Variants in GRAMD1B observed in about 807,000 individuals in gnomAD.
GRAMD1B encodes the protein protein Aster-B.
Under a neutral mutation model 99.7 loss-of-function variants are expected in GRAMD1B, and 37 were observed. The ratio of observed to expected loss-of-function variants is 0.37; its 90% CI spans 0.29 to 0.49. GRAMD1B has a LOEUF of 0.49. GRAMD1B is among the 20% of genes least tolerant of loss of function. The pLI is 0.98. For synonymous variants in GRAMD1B, 427 were observed against 387.6 expected (o/e 1.10, Z -1.19); for missense variants, 888 against 1,009.2 (o/e 0.88, Z 1.63).
At chr11:123,620,627 T>C (rs1955011729) in intron 19 of GRAMD1B, among the ~76,000 whole-genome samples, 1 of 152,092 alleles carries the variant, frequency 6.6e-6, no homozygotes. Flanking sequence ...TTAGAAGCCC[T>C]ACCCTTTCAA....
intron 19 of GRAMD1B, 109 bp from the exon 20 acceptor site, chr11:123,622,397 T>C: frequency 1.5e-6 from 1 of 681,502 alleles, no homozygotes; most frequent in South Asian, 1.5e-5. Context: ...TTCAGCCCCA[T>C]GGCGTGGTTG....
chr11:123,430,494 G>C lies in GRAMD1B; in HGVS notation c.-299G>C. On this transcript the variant is annotated 5_prime_UTR_variant, in exon 1 of 20. Coordinates refer to ENST00000635736, the MANE Select transcript of GRAMD1B (RefSeq NM_001387025.1). The stretch of plus-strand genomic sequence containing the variant: ...GGAAGAAAAACAAGCGGGCGCGCGA[G>C]GGGAGCCCCAGGAGGGCTGCCGAGT... The C allele has an allele frequency of 2.6e-6, 1 of 391,886 alleles. No individual in the cohort carries two copies. The highest frequency in any genetic ancestry group is 4.5e-6 in the Non-Finnish European group (1 of 220,596). The allele number at this position is 391,886 out of a possible 1,614,324, so 24.3% of individuals were successfully genotyped here. A position where few individuals can be genotyped will look rare whatever the true frequency, so the allele number is the denominator to read the frequency against.
intron 2 of GRAMD1B, among the ~76,000 whole-genome samples, chr11:123,545,393 A>G (rs1488089602): frequency 6.6e-6 from 1 of 152,232 alleles, no homozygotes; most frequent in African/African-American, 2.4e-5. Context: ...AGAACCACTG[A>G]CTTAGTGATT....
chr11:123,585,403 AACATCCTGCTGCCC>A (rs1949968317), intron 4 of GRAMD1B, among the ~76,000 whole-genome samples: 1 of 152,208 alleles, frequency 6.6e-6, no homozygotes, highest in Admixed American at 6.5e-5. Context: ...TGTGGCTGCC[AACATCCTGCTGCCC>A]AGTGACCAGC....
At chr11:123,469,394 G>A (rs1174888378) in intron 1 of GRAMD1B, among the ~76,000 whole-genome samples, 1 of 152,192 alleles carries the variant, frequency 6.6e-6, no homozygotes, top group Non-Finnish European at 1.5e-5. Context: ...TCTGGGTGAG[G>A]AGTGATGAGA....
chr11:123,401,373 G>A (rs532553538), intron 1 of GRAMD1B, among the ~76,000 whole-genome samples: 11 of 152,336 alleles, frequency 7.2e-5, no homozygotes, highest in Middle Eastern at 3.4e-3. Flanking sequence ...TGTTGCGTCC[G>A]CTCTGGACCT....
chr11:123,388,758 G>A (rs1947166759), intron 1 of GRAMD1B, among the ~76,000 whole-genome samples: 1 of 152,152 alleles, frequency 6.6e-6, no homozygotes, highest in Non-Finnish European at 1.5e-5. Flanking sequence ...TCTGCTGTGT[G>A]AGGACAGTGA....
At chr11:123,390,573 C>A (rs77557492) in intron 1 of GRAMD1B, among the ~76,000 whole-genome samples, 3,278 of 152,212 alleles carry the variant, frequency 0.022, 102 homozygotes, top group African/African-American at 0.059. Context: ...GGGTCAAATC[C>A]GTGTGTAATT....
chr11:123,532,255 A>C (rs1201753162), intron 2 of GRAMD1B, among the ~76,000 whole-genome samples: 1 of 152,222 alleles, frequency 6.6e-6, no homozygotes, highest in Admixed American at 6.5e-5. Context: ...TGATCCAGGC[A>C]GTAGAATGTC....
chr11:123,612,831 T>C lies in GRAMD1B; in HGVS notation c.1990T>C (p.Trp664Arg). ...LVKTFIEKNF[W>R]SGLEDYFRHL... ...GAAAACGTTCATCGAGAAGAACTTC[T>C]GGAGTGGGCTGGAGGACTACTTCCG... is the stretch of plus-strand genomic sequence containing the variant. The change falls in exon 15 of 20, where the codon TGG becomes CGG. Residue 664 changes from tryptophan (W) to arginine (R), a missense_variant. Transcript: ENST00000635736. The C allele has an allele frequency of 6.2e-7, 1 of 1,610,024 alleles. No individual in the cohort carries two copies. Among genetic ancestry groups the C allele is most frequent in the South Asian group, 1.1e-5 (1 of 90,728 alleles).
intron 1 of GRAMD1B, among the ~76,000 whole-genome samples, chr11:123,399,672 T>C (rs1324106912): frequency 6.6e-6 from 1 of 152,106 alleles, no homozygotes; most frequent in Non-Finnish European, 1.5e-5. Context: ...TGCAGTGGCA[T>C]GATCTCGGCT....
chr11:123,451,168 A>C (rs1314325150), intron 1 of GRAMD1B, among the ~76,000 whole-genome samples: 1 of 152,174 alleles, frequency 6.6e-6, no homozygotes, highest in Non-Finnish European at 1.5e-5. Context: ...TTACCTTTTC[A>C]AAACAATTTA....
intron 2 of GRAMD1B, chr11:123,560,471 A>C: frequency 2.5e-6 from 3 of 1,202,764 alleles, no homozygotes; most frequent in Non-Finnish European, 3.2e-6. Context: ...AGCTTCTGAG[A>C]GCCCTGGCCC....
intron 1 of GRAMD1B, among the ~76,000 whole-genome samples, chr11:123,432,706 G>A (rs1477799038): frequency 6.6e-6 from 1 of 152,154 alleles, no homozygotes; most frequent in Admixed American, 6.5e-5. Flanking sequence ...AATACAGATG[G>A]GTAGTAGAAA....
chr11:123,537,411 C>T (rs1282627788), intron 2 of GRAMD1B, among the ~76,000 whole-genome samples: 5 of 152,206 alleles, frequency 3.3e-5, no homozygotes, highest in Admixed American at 3.3e-4. Flanking sequence ...GACATTATGA[C>T]AATGACATGC....
chr11:123,491,966 G>A, intron 2 of GRAMD1B: 1 of 399,296 alleles, frequency 2.5e-6, no homozygotes, highest in Non-Finnish European at 4.4e-6. Flanking sequence ...CCAAGTAGGT[G>A]GTGGGGACCC....
rs1437448108 is a variant in GRAMD1B at position 123,624,194 on chromosome 11, C to T, written c.*1599C>T. 6.6e-6 allele frequency: 1 copy of T among 152,192 alleles called. No individual in the cohort carries two copies. Among genetic ancestry groups the T allele is most frequent in the Non-Finnish European group, 1.5e-5 (1 of 68,046 alleles). The allele number at this position is 152,192 out of a possible 1,614,324, so 9.4% of individuals were successfully genotyped here. On this transcript the variant is annotated 3_prime_UTR_variant, in exon 20 of 20. Coordinates refer to ENST00000635736, the MANE Select transcript of GRAMD1B (RefSeq NM_001387025.1). ...TATTCTTCTCCTGGGCTTCTTGACA[C>T]AGGGGCAGAAGAAACCCCAGATGTC...
intron 1 of GRAMD1B, among the ~76,000 whole-genome samples, chr11:123,467,394 C>CTTTTTTTT (rs11447711): frequency 2.2e-4 from 23 of 103,332 alleles, no homozygotes; most frequent in Admixed American, 3.7e-4. Context: ...TTTTCAACAC[C>CTTTTTTTT]TTTTTTTTTT....
intron 1 of GRAMD1B, among the ~76,000 whole-genome samples, chr11:123,420,329 T>C (rs1013129367): frequency 6.6e-6 from 1 of 152,150 alleles, no homozygotes; most frequent in East Asian, 1.9e-4. Context: ...GATCTACAGG[T>C]AGACTTCTTA....
Sources: allele counts gnomAD v4.1 joint callset (sites outside exome capture counted in the v4.1 genomes callset), GRCh38; gene constraint gnomAD v4.1.1; transcripts MANE v1.5; gene names NCBI Gene and HGNC (gene_info 2026-07-23, HGNC 2026-07-21).